UNC45B: variants seen among roughly 807,000 people sequenced by gnomAD.
UNC45B encodes protein unc-45 homolog B.
A neutral mutation model predicts 98.7 loss-of-function variants in UNC45B; 78 were observed. The observed-to-expected ratio is 0.79, with a 90% CI of 0.66 to 0.95. The LOEUF is 0.95. UNC45B is among the 40% of genes least tolerant of loss of function. The pLI is 0.00. For missense variants in UNC45B, 1,225 were observed against 1,184.9 expected (o/e 1.03, Z -0.50); for synonymous variants, 462 against 480.4 (o/e 0.96, Z 0.50).
intron 2 of UNC45B, among the ~76,000 whole-genome samples, chr17:35,148,751 GC>G (rs887265309): frequency 1.3e-5 from 2 of 152,052 alleles, no homozygotes; most frequent in African/African-American, 4.8e-5. Context: ...TCATTAACTT[GC>G]CCAAGCTCTC....
At chr17:35,177,383 AG>A (rs1313909859) in intron 16 of UNC45B, 111 bp from the exon 17 acceptor site, 1 of 768,232 alleles carries the variant, frequency 1.3e-6, no homozygotes, top group Admixed American at 2.7e-5. Flanking sequence ...GGATGAAATC[AG>A]ACAATGTATG....
rs2092169181 is a variant in UNC45B, at chr17:35,169,752, A to G, written c.1453-85A>G. On this transcript the variant is annotated intron_variant, in intron 10 of 19. Transcript: ENST00000394570. ...GAAAGAGGGGCGAAGTGTTCTGGCC[A>G]TAGAAACCTGTTTGAGCAAGGCTTC... 5 of 1,240,160 alleles carry G rather than the reference A, an allele frequency of 4.0e-6. No homozygotes were observed. In the South Asian group the frequency reaches 6.1e-5, roughly 15 times the overall value. The allele number at this position is 1,240,160 out of a possible 1,614,324, so 76.8% of individuals were successfully genotyped here.
At position 35,148,420 on chromosome 17, in the gene UNC45B, G is replaced by A; in HGVS notation, c.157G>A (p.Gly53Ser). Residue 53 changes from glycine to serine, a missense_variant, in exon 2 of 20, where the codon GGC becomes AGC. Physicochemically the swap from Gly to Ser is moderately conservative, Grantham distance 56. Coordinates refer to ENST00000394570, the MANE Select transcript of UNC45B (RefSeq NM_001267052.2). ...GCTTTATCGGAACCGGGCAGCCTGT[G>A]GCCTGAAAACGGTCTGGGGCAGGGC... ...ATLYRNRAAC[G>S]LKTESYVQAA... is the part of the protein sequence containing the mutation. The A allele has an allele frequency of 1.2e-6, 2 of 1,613,820 alleles. No individual in the cohort carries two copies. The highest frequency in any genetic ancestry group is 4.5e-5 in the East Asian group (2 of 44,866).
At chr17:35,179,575 A>G (rs2092259789) in intron 17 of UNC45B, among the ~76,000 whole-genome samples, 1 of 152,204 alleles carries the variant, frequency 6.6e-6, no homozygotes. Flanking sequence ...GCAGCCATAA[A>G]AAAGGATGAG....
rs371932269 is a variant in UNC45B, at chr17:35,164,167, G to T, written c.1151+1G>T. 5 of 1,606,104 alleles carry T rather than the reference G, an allele frequency of 3.1e-6. No individual in the cohort carries two copies. In the South Asian group the frequency reaches 5.6e-5, roughly 18 times the overall value. Reference sequence around the variant, plus strand: ...GCAAGATCTGTGAGGAATATATCACGTAAGTTTCCTGGAGGCCTCACAGGG... The same window carrying T: ...GCAAGATCTGTGAGGAATATATCACTTAAGTTTCCTGGAGGCCTCACAGGG... On this transcript the variant is annotated splice_donor_variant, in intron 9 of 19. Transcript: ENST00000394570. LOFTEE classifies it high-confidence loss of function.
chr17:35,177,544 A>C lies in UNC45B; in HGVS notation c.2189A>C (p.Asp730Ala), dbSNP rs111405728. 9.1e-4 allele frequency: 1,419 copies of C among 1,567,176 alleles called. 10 individuals are homozygous for C. The African/African-American group carries it at 0.016, about 18-fold the overall frequency. Reference sequence around the variant, plus strand: ...GTAAGACTCTTGGACACACAGAGGGATGGGCTTCAGAACTATGAGGCTCTC... The same window carrying C: ...GTAAGACTCTTGGACACACAGAGGGCTGGGCTTCAGAACTATGAGGCTCTC... ...PLVRLLDTQRDGLQNYEALLG... is the reference protein window; with the variant it reads ...PLVRLLDTQRAGLQNYEALLG... Residue 730 changes from aspartate to alanine, a missense_variant, in exon 17 of 20, where the codon GAT becomes GCT. By Grantham distance (126) the Asp-to-Ala change is moderately radical. Transcript: ENST00000394570.
At chr17:35,165,508 C>T (rs750688938) in intron 9 of UNC45B, among the ~76,000 whole-genome samples, 5 of 152,332 alleles carry the variant, frequency 3.3e-5, no homozygotes, top group Admixed American at 6.5e-5. Flanking sequence ...TGGGTGAAGA[C>T]GTTGCCTTTA....
intron 7 of UNC45B, among the ~76,000 whole-genome samples, chr17:35,159,057 A>G (rs2092083299): frequency 6.6e-6 from 1 of 152,210 alleles, no homozygotes; most frequent in Non-Finnish European, 1.5e-5. Context: ...ATTAGAAACC[A>G]CATAAAGCAT....
rs2092304220 is a variant in UNC45B, at chr17:35,186,382, C to A, written c.2613C>A (p.Tyr871Ter). The change falls in exon 20 of 20, where the codon TAC becomes TAA. Residue 871 changes from tyrosine (Y) to a stop codon, truncating the protein, a stop_gained. Coordinates refer to ENST00000394570, the MANE Select transcript of UNC45B (RefSeq NM_001267052.2). LOFTEE classifies it high-confidence loss of function. The part of the protein sequence containing the change: ...SVQHRGLVIA[Y>*]NLLAADAELA... ...AACACCGGGGCCTGGTCATTGCCTACAACCTACTGGCAGCCGATGCTGAGC... is the reference window on the plus strand; with the variant it reads ...AACACCGGGGCCTGGTCATTGCCTAAAACCTACTGGCAGCCGATGCTGAGC... The A allele has an allele frequency of 6.8e-6, 11 of 1,614,218 alleles. No homozygotes were observed. Among genetic ancestry groups the A allele is most frequent in the Non-Finnish European group, 9.3e-6 (11 of 1,180,044 alleles).
At chr17:35,166,086 TA>T (rs55844448) in intron 9 of UNC45B, among the ~76,000 whole-genome samples, 22,633 of 57,448 alleles carry the variant, frequency 0.39, 3,211 homozygotes, top group Middle Eastern at 0.6. Flanking sequence ...CCCTCATCTC[TA>T]AAAAAAAAAA....
intron 7 of UNC45B, among the ~76,000 whole-genome samples, chr17:35,156,863 T>G (rs1475814861): frequency 6.6e-6 from 1 of 152,220 alleles, no homozygotes; most frequent in Non-Finnish European, 1.5e-5. Context: ...TAGTTATATG[T>G]TTTTTTCTGC....
Position 35,180,644 on chromosome 17 carries a change from G to C in UNC45B, c.2341G>C (p.Glu781Gln). The C allele has an allele frequency of 1.9e-6, 3 of 1,613,824 alleles. No individual in the cohort carries two copies. Among genetic ancestry groups the C allele is most frequent in the Non-Finnish European group, 2.5e-6 (3 of 1,179,958 alleles). The part of the protein sequence containing the change: ...NHDQLRQAAT[E>Q]CMCNMVLHKE... ...TGATCAGCTGCGGCAGGCGGCCACCGAGTGCATGTGCAACATGGTGCTCCA... is the reference window on the plus strand; with the variant it reads ...TGATCAGCTGCGGCAGGCGGCCACCCAGTGCATGTGCAACATGGTGCTCCA... The change falls in exon 18 of 20, where the codon GAG becomes CAG. Residue 781 changes from glutamate (E) to glutamine (Q), a missense_variant. Physicochemically the swap from Glu to Gln is conservative, Grantham distance 29. Transcript: ENST00000394570.
rs73288984 is a variant in UNC45B at position 35,163,815 on chromosome 17, G to C, written c.980-180G>C. Among the ~76,000 whole-genome samples, 8,667 of 152,286 alleles carry C rather than the reference G, an allele frequency of 0.057. 443 individuals carry two copies. Among genetic ancestry groups the C allele is most frequent in the African/African-American group, 0.13 (5,514 of 41,538 alleles). On this transcript the variant is annotated intron_variant, in intron 8 of 19. Transcript: ENST00000394570. ...AGGTGAATTGGTCAAGCTGGGGGCA[G>C]TGTCAGGTGTATAACCTGGGTCCTT...
chr17:35,168,018 C>G (rs1015568713), intron 9 of UNC45B, 43 bp from the exon 10 acceptor site: 1 of 1,423,840 alleles, frequency 7.0e-7, no homozygotes, highest in East Asian at 2.6e-5. Flanking sequence ...TCTTTCCACT[C>G]TCTTGGACCA....
At chr17:35,156,938 T>C (rs545245179) in intron 7 of UNC45B, among the ~76,000 whole-genome samples, 76 of 152,340 alleles carry the variant, frequency 5.0e-4, no homozygotes, top group Non-Finnish European at 8.2e-4. Flanking sequence ...TTGATTTTAA[T>C]AATTAATTTT....
intron 8 of UNC45B, among the ~76,000 whole-genome samples, chr17:35,161,337 C>T (rs1015192630): frequency 1.3e-5 from 2 of 152,060 alleles, no homozygotes; most frequent in South Asian, 2.1e-4. Flanking sequence ...CTGGGAGGCA[C>T]GGTAAGGGAG....
chr17:35,177,692 T>C, intron 17 of UNC45B, 82 bp downstream of exon 17: 1 of 1,061,498 alleles, frequency 9.4e-7, no homozygotes, highest in Non-Finnish European at 1.4e-6. Context: ...GTGCTGAGAA[T>C]GCTCTTCTCT....
chr17:35,149,919 C>A, intron 3 of UNC45B, 129 bp from the exon 4 acceptor site: 2 of 1,001,878 alleles, frequency 2.0e-6, no homozygotes, highest in African/African-American at 1.6e-5. Context: ...AGAGAGTCCA[C>A]ATGGATGGAT....
intron 4 of UNC45B, among the ~76,000 whole-genome samples, chr17:35,152,200 C>T (rs1191697251): frequency 2.0e-5 from 3 of 152,090 alleles, no homozygotes; most frequent in East Asian, 1.9e-4. Flanking sequence ...GAGCAGAGAT[C>T]GTGCCACTGC....
Sources: allele counts gnomAD v4.1 joint callset (sites outside exome capture counted in the v4.1 genomes callset), GRCh38; gene constraint gnomAD v4.1.1; transcripts MANE v1.5; gene names NCBI Gene and HGNC (gene_info 2026-07-23, HGNC 2026-07-21).